AUTS2: variants seen among roughly 807,000 people sequenced by gnomAD.
AUTS2 encodes the protein activator of transcription and developmental regulator AUTS2, also known as autism susceptibility gene 2 protein.
Under a neutral mutation model 112.4 loss-of-function variants are expected in AUTS2, and 17 were observed. The ratio of observed to expected loss-of-function variants is 0.15; its 90% CI spans 0.10 to 0.23. The LOEUF (loss-of-function observed/expected upper bound fraction) is 0.23, where lower values mean the gene tolerates loss of function less well. Among genes scored for constraint, AUTS2 ranks in the 10% least tolerant of loss-of-function variants. AUTS2 has a pLI of 1.00. For synonymous variants in AUTS2, 751 were observed against 702.7 expected (o/e 1.07, Z -1.09); for missense variants, 1,510 against 1,701.6 (o/e 0.89, Z 1.98).
At chr7:70,344,660 G>A (rs908513993) in intron 4 of AUTS2, among the ~76,000 whole-genome samples, 1 of 152,192 alleles carries the variant, frequency 6.6e-6, no homozygotes, top group Non-Finnish European at 1.5e-5. Flanking sequence ...AGGATTAGGA[G>A]ACATTTTAGC....
At chr7:70,001,900 G>C (rs2129552821) in intron 2 of AUTS2, among the ~76,000 whole-genome samples, 1 of 152,064 alleles carries the variant, frequency 6.6e-6, no homozygotes, top group South Asian at 2.1e-4. Context: ...AAGTACAGAT[G>C]AGGTTTCACC....
chr7:69,919,251 C>T (rs1409223507), intron 2 of AUTS2, among the ~76,000 whole-genome samples: 1 of 152,144 alleles, frequency 6.6e-6, no homozygotes, highest in Non-Finnish European at 1.5e-5. Flanking sequence ...TGTGTTGGTA[C>T]TGTAGATACA....
At chr7:70,006,906 TAAG>T (rs1435310383) in intron 2 of AUTS2, among the ~76,000 whole-genome samples, 1 of 152,218 alleles carries the variant, frequency 6.6e-6, no homozygotes, top group Non-Finnish European at 1.5e-5. Flanking sequence ...TTTGCTTCCA[TAAG>T]AATTTGAGAT....
At chr7:69,693,044 A>G (rs1797415078) in intron 1 of AUTS2, among the ~76,000 whole-genome samples, 1 of 152,198 alleles carries the variant, frequency 6.6e-6, no homozygotes, top group South Asian at 2.1e-4. Context: ...TAATGAGGAA[A>G]CTGTGGCACC....
chr7:70,191,764 A>G (rs555928369), intron 4 of AUTS2, among the ~76,000 whole-genome samples: 1 of 152,282 alleles, frequency 6.6e-6, no homozygotes, highest in South Asian at 2.1e-4. Flanking sequence ...GTTTTGTATA[A>G]GAAAAGACAA....
intron 4 of AUTS2, among the ~76,000 whole-genome samples, chr7:70,407,392 T>C (rs577101337): frequency 1.2e-4 from 18 of 152,278 alleles, no homozygotes; most frequent in African/African-American, 3.4e-4. Context: ...TGCTGACCAA[T>C]GGAACTCACC....
chr7:69,768,277 A>G (rs1194732770), intron 1 of AUTS2, among the ~76,000 whole-genome samples: 1 of 152,232 alleles, frequency 6.6e-6, no homozygotes, highest in Non-Finnish European at 1.5e-5. Flanking sequence ...TCAAATGAGC[A>G]TAAGTTAAAA....
intron 4 of AUTS2, among the ~76,000 whole-genome samples, chr7:70,313,444 C>T (rs1380715578): frequency 2.0e-5 from 3 of 152,168 alleles, no homozygotes; most frequent in Non-Finnish European, 4.4e-5. Flanking sequence ...GGATCCCAAG[C>T]GGAACCCTGT....
chr7:70,325,799 A>G (rs1341980613), intron 4 of AUTS2, among the ~76,000 whole-genome samples: 3 of 152,190 alleles, frequency 2.0e-5, no homozygotes, highest in Non-Finnish European at 2.9e-5. Context: ...GGAGGCAGGA[A>G]AAGAGGGCAA....
In AUTS2 at chr7:69,928,103, C is replaced by A. The variant is rs1796092358; in HGVS notation, c.522+28605C>A. On this transcript the variant is annotated intron_variant, in intron 2 of 18. Coordinates refer to ENST00000342771, the MANE Select transcript of AUTS2 (RefSeq NM_015570.4). ...AACTTTATTGAGTGACAGACCAGCT[C>A]TCAGTGGAGACCTGAAGTGAGTAGC... 2.0e-5 allele frequency among the ~76,000 whole-genome samples: 3 copies of A among 152,172 alleles called. No individual in the cohort carries two copies. In the South Asian group the frequency reaches 6.2e-4, roughly 32 times the overall value.
intron 5 of AUTS2, among the ~76,000 whole-genome samples, chr7:70,554,800 G>C (rs142622910): frequency 0.012 from 1,777 of 152,314 alleles, 17 homozygotes; most frequent in South Asian, 0.021. Context: ...ATAAAGGCAG[G>C]CTGCCCACCC....
At chr7:69,785,703 T>A (rs1399589140) in intron 1 of AUTS2, among the ~76,000 whole-genome samples, 1 of 152,222 alleles carries the variant, frequency 6.6e-6, no homozygotes, top group African/African-American at 2.4e-5. Context: ...TGTCAGTTTC[T>A]ATGAAAGGAC....
intron 5 of AUTS2, among the ~76,000 whole-genome samples, chr7:70,564,995 GGCTGAGGCAGAAGAATC>G (rs1235786845): frequency 1.3e-5 from 2 of 152,082 alleles, no homozygotes; most frequent in African/African-American, 4.8e-5. Context: ...CTACTCAGGA[GGCTGAGGCAGAAGAATC>G]GCTTGAACCC....
At chr7:69,826,771 G>A (rs1791265673) in intron 1 of AUTS2, among the ~76,000 whole-genome samples, 1 of 152,136 alleles carries the variant, frequency 6.6e-6, no homozygotes, top group Non-Finnish European at 1.5e-5. Flanking sequence ...TATGTTGTGT[G>A]TCTAGGATGA....
Position 70,763,069 on chromosome 7 carries a change from A to G in AUTS2, c.942A>G (p.Gln314=), listed in dbSNP as rs550466174. The G allele has an allele frequency of 5.3e-4, 849 of 1,613,836 alleles. 16 individuals carry two copies. The South Asian group carries it at 8.8e-3, about 17-fold the overall frequency. The stretch of plus-strand genomic sequence containing the variant: ...TACCCCAGCCGCAGACGGAGCCCCA[A>G]CTCCGAGCTCCTTCTCCGGACCCTG... ...QPIPQPQTEP[Q]LRAPSPDPDL... The change falls in exon 7 of 19, where the codon CAA becomes CAG. Residue 314 remains glutamine (Q), a synonymous_variant. Transcript: ENST00000342771.
chr7:70,451,691 G>A (rs1220508052), intron 5 of AUTS2, among the ~76,000 whole-genome samples: 5 of 152,152 alleles, frequency 3.3e-5, no homozygotes, highest in Non-Finnish European at 2.9e-5. Context: ...ACTTTGAAAC[G>A]GGATGAACTG....
intron 5 of AUTS2, among the ~76,000 whole-genome samples, chr7:70,466,605 A>T (rs1296629205): frequency 6.6e-6 from 1 of 152,238 alleles, no homozygotes; most frequent in East Asian, 1.9e-4. Flanking sequence ...GGACAAATAC[A>T]TGATCAATTC....
intron 1 of AUTS2, among the ~76,000 whole-genome samples, chr7:69,786,095 C>A (rs573305072): frequency 6.6e-6 from 1 of 152,258 alleles, no homozygotes; most frequent in African/African-American, 2.4e-5. Context: ...GCTGGACTTC[C>A]TGGGTTGAGT....
At chr7:70,082,124 A>G (rs940587891) in intron 2 of AUTS2, among the ~76,000 whole-genome samples, 5 of 152,094 alleles carry the variant, frequency 3.3e-5, no homozygotes, top group South Asian at 4.1e-4. Context: ...CCCTACCTCT[A>G]AGATCCATTC....
Sources: allele counts gnomAD v4.1 joint callset (sites outside exome capture counted in the v4.1 genomes callset), GRCh38; gene constraint gnomAD v4.1.1; transcripts MANE v1.5; gene names NCBI Gene and HGNC (gene_info 2026-07-23, HGNC 2026-07-21).